Variants in ASIC2 observed in about 807,000 individuals in gnomAD.
The protein encoded by ASIC2 is acid-sensing ion channel 2.
A neutral mutation model predicts 57.3 loss-of-function variants in ASIC2; 25 were observed. The observed-to-expected ratio is 0.44, with a 90% CI of 0.32 to 0.61. The LOEUF (loss-of-function observed/expected upper bound fraction) is 0.61. ASIC2 is among the 20% of genes least tolerant of loss of function. The pLI, the probability that ASIC2 is intolerant of heterozygous loss-of-function variation, is 0.06. For synonymous variants in ASIC2, 319 were observed against 307.5 expected (o/e 1.04, Z -0.39); for missense variants, 641 against 738.1 (o/e 0.87, Z 1.52).
chr17:33,521,042 T>A (rs9892991), intron 1 of ASIC2, among the ~76,000 whole-genome samples: 28,771 of 151,666 alleles, frequency 0.19, 2,899 homozygotes, highest in East Asian at 0.3. Context: ...TAATAATAAT[T>A]ATTATTATTA....
intron 3 of ASIC2, among the ~76,000 whole-genome samples, chr17:33,039,060 T>C (rs570466605): frequency 6.6e-6 from 1 of 152,326 alleles, no homozygotes; most frequent in Admixed American, 6.5e-5. Context: ...AGTATGTGGT[T>C]TCTGCTTCTG....
intron 1 of ASIC2, among the ~76,000 whole-genome samples, chr17:33,639,575 C>T (rs931566312): frequency 6.6e-6 from 1 of 152,086 alleles, no homozygotes; most frequent in Non-Finnish European, 1.5e-5. Flanking sequence ...GAGCTGCCTC[C>T]TTGGGAGTGG....
At chr17:33,722,421 C>A (rs1301857016) in intron 1 of ASIC2, among the ~76,000 whole-genome samples, 1 of 152,120 alleles carries the variant, frequency 6.6e-6, no homozygotes, top group African/African-American at 2.4e-5. Flanking sequence ...AAAAGACAAA[C>A]AACTTAAAGT....
At chr17:33,487,926 C>T (rs1338935378) in intron 1 of ASIC2, among the ~76,000 whole-genome samples, 2 of 152,192 alleles carry the variant, frequency 1.3e-5, no homozygotes, top group Non-Finnish European at 2.9e-5. Context: ...GGCTCCCCTA[C>T]TTCGGAGGTT....
At chr17:34,105,753 G>A (rs770573220) in intron 1 of ASIC2, among the ~76,000 whole-genome samples, 3 of 151,910 alleles carry the variant, frequency 2.0e-5, no homozygotes, top group African/African-American at 2.4e-5. Context: ...TCTCTTGCTC[G>A]TTCTTACTAT....
chr17:33,869,866 C>T (rs1194804409), intron 1 of ASIC2, among the ~76,000 whole-genome samples: 3 of 152,166 alleles, frequency 2.0e-5, no homozygotes, highest in African/African-American at 7.2e-5. Context: ...TTGCACTGTG[C>T]ACTTTAAATG....
chr17:33,778,956 C>T (rs769223638), intron 1 of ASIC2, among the ~76,000 whole-genome samples: 6 of 152,138 alleles, frequency 3.9e-5, no homozygotes, highest in Non-Finnish European at 8.8e-5. Flanking sequence ...TGCTCATCCC[C>T]CTCCTGGCAT....
At chr17:34,111,964 A>G (rs1467366936) in intron 1 of ASIC2, among the ~76,000 whole-genome samples, 1 of 152,214 alleles carries the variant, frequency 6.6e-6, no homozygotes, top group African/African-American at 2.4e-5. Context: ...ATTTCTATAT[A>G]ATGATTATAA....
chr17:34,155,273 G>A (rs1020694465), intron 1 of ASIC2, among the ~76,000 whole-genome samples: 1 of 151,920 alleles, frequency 6.6e-6, no homozygotes, highest in African/African-American at 2.4e-5. Flanking sequence ...ACGTGCCTCC[G>A]CCCAGACCCT....
chr17:33,736,628 A>G (rs1909919896), intron 1 of ASIC2, among the ~76,000 whole-genome samples: 1 of 152,202 alleles, frequency 6.6e-6, no homozygotes, highest in Non-Finnish European at 1.5e-5. Flanking sequence ...CAAAAGCAAT[A>G]TAAGCTTATA....
intron 3 of ASIC2, among the ~76,000 whole-genome samples, chr17:33,044,258 C>T (rs1011395658): frequency 1.7e-5 from 2 of 117,798 alleles, no homozygotes; most frequent in Non-Finnish European, 3.8e-5. Flanking sequence ...GTTCATCCAT[C>T]TACCCATCCA....
intron 1 of ASIC2, among the ~76,000 whole-genome samples, chr17:33,246,696 C>T (rs1399066591): frequency 1.3e-5 from 2 of 152,214 alleles, no homozygotes; most frequent in Non-Finnish European, 2.9e-5. Context: ...GTGCATAGTG[C>T]CTTACTGTTT....
chr17:33,262,532 T>TG (rs1393214719), intron 1 of ASIC2, among the ~76,000 whole-genome samples: 1 of 152,130 alleles, frequency 6.6e-6, no homozygotes, highest in Admixed American at 6.5e-5. Context: ...GCCTATAGTA[T>TG]GTTTCTCTCA....
chr17:33,647,347 G>A (rs1399395703), intron 1 of ASIC2, among the ~76,000 whole-genome samples: 1 of 152,174 alleles, frequency 6.6e-6, no homozygotes, highest in Non-Finnish European at 1.5e-5. Flanking sequence ...AAGATGATGG[G>A]TCCTTGGGGC....
intron 1 of ASIC2, among the ~76,000 whole-genome samples, chr17:33,702,827 A>G (rs1448871177): frequency 3.3e-5 from 5 of 152,086 alleles, no homozygotes; most frequent in Admixed American, 1.3e-4. Flanking sequence ...TTAATGATTC[A>G]TTCACTCAAC....
chr17:33,277,655 G>T (rs1437121514), intron 1 of ASIC2, among the ~76,000 whole-genome samples: 1 of 152,142 alleles, frequency 6.6e-6, no homozygotes, highest in Non-Finnish European at 1.5e-5. Context: ...ATCAGCAGAG[G>T]AATGTGGTGC....
intron 1 of ASIC2, among the ~76,000 whole-genome samples, chr17:33,546,193 A>G (rs1259596164): frequency 6.6e-6 from 1 of 150,892 alleles, no homozygotes; most frequent in Non-Finnish European, 1.5e-5. Flanking sequence ...ATACATATGT[A>G]TATGTATATA....
intron 1 of ASIC2, among the ~76,000 whole-genome samples, chr17:33,807,826 C>A (rs1426762715): frequency 6.6e-6 from 1 of 152,208 alleles, no homozygotes; most frequent in African/African-American, 2.4e-5. Flanking sequence ...TGCTTATTTT[C>A]CATCTGTACA....
chr17:34,013,060 C>A (rs545315717), intron 1 of ASIC2, among the ~76,000 whole-genome samples: 1 of 152,300 alleles, frequency 6.6e-6, no homozygotes, highest in Admixed American at 6.5e-5. Flanking sequence ...TGGCTCAACC[C>A]CCCTGGAGAG....
Sources: allele counts gnomAD v4.1 joint callset (sites outside exome capture counted in the v4.1 genomes callset), GRCh38; gene constraint gnomAD v4.1.1; transcripts MANE v1.5; gene names NCBI Gene and HGNC (gene_info 2026-07-23, HGNC 2026-07-21).